Variants in OR4D1 observed in about 807,000 individuals in gnomAD.
OR4D1 encodes the protein olfactory receptor family 4 subfamily D member 1.
A neutral mutation model predicts 14.2 loss-of-function variants in OR4D1; 10 were observed. The ratio of observed to expected loss-of-function variants is 0.71; its 90% CI spans 0.44 to 1.20. The LOEUF is 1.20. Ranked by LOEUF, OR4D1 falls within the 50% of genes most tolerant of loss-of-function variation. The pLI is 0.00. For synonymous variants in OR4D1, 141 were observed against 147.4 expected (o/e 0.96, Z 0.32); for missense variants, 345 against 376.6 (o/e 0.92, Z 0.70).
At position 58,156,978 on chromosome 17, in the gene OR4D1, A is replaced by T; in HGVS notation, c.*892A>T. The T allele has an allele frequency of 2.8e-6, 2 of 724,948 alleles. No homozygotes were observed. Among genetic ancestry groups the T allele is most frequent in the Non-Finnish European group, 2.4e-6 (1 of 415,332 alleles). The allele number at this position is 724,948 out of a possible 1,614,324, so 44.9% of individuals were successfully genotyped here. On this transcript the variant is annotated 3_prime_UTR_variant, in exon 4 of 4. Transcript: ENST00000268912. ...GTTTGAGTCGCCGCTGCGGGTTGCT[A>T]GCGGAGTCGCGCGTCGGGAGCTACG...
rs186834238 is a variant in OR4D1, at chr17:58,155,681, C to G, written c.528C>G (p.Asn176Lys). Reference sequence around the variant, plus strand: ...TCTGTGGCCCCAATATCCTAGATAACTTCTACTGTGATGTTCCCCAAGTAC... The same window carrying G: ...TCTGTGGCCCCAATATCCTAGATAAGTTCTACTGTGATGTTCCCCAAGTAC... ...LPFCGPNILD[N>K]FYCDVPQVLR... Residue 176 changes from asparagine to lysine, a missense_variant, in exon 4 of 4, where the codon AAC becomes AAG. Transcript: ENST00000268912. The G allele has an allele frequency of 1.9e-6, 3 of 1,614,034 alleles. No homozygotes were observed. In the South Asian group the frequency reaches 3.3e-5, roughly 18 times the overall value.
rs1967660785 is a variant in OR4D1, at chr17:58,148,474, AGAGTGACCT to A, written c.-603_-595del. 6.6e-6 allele frequency: 1 copy of A among 152,438 alleles called. No individual in the cohort carries two copies. Among genetic ancestry groups the A allele is most frequent in the South Asian group, 2.1e-4 (1 of 4,832 alleles). 9.4% of individuals were successfully genotyped at this position (152,438 alleles called of 1,614,324 possible). On this transcript the variant is annotated 5_prime_UTR_variant, in exon 1 of 4. It removes the in-frame stop codon of an upstream open reading frame in the 5' UTR. Coordinates refer to ENST00000268912, the MANE Select transcript of OR4D1 (RefSeq NM_001386095.1). ...AGGAGAAGAATGGAGCTACAGGAGA[AGAGTGACCT>A]GGGAGATGGGAGGCTCTAAGTCCTC... is the stretch of plus-strand genomic sequence containing the variant.
Position 58,157,302 on chromosome 17 carries a change from G to T in OR4D1, c.*1216G>T, listed in dbSNP as rs1297959820. On this transcript the variant is annotated 3_prime_UTR_variant, in exon 4 of 4. Coordinates refer to ENST00000268912, the MANE Select transcript of OR4D1 (RefSeq NM_001386095.1). ...GCCGCTGATCAAGCCCTTCGAGACC[G>T]CCTCGGTCAAGTGGGAAAACTCCCT... The T allele has an allele frequency of 1.6e-5, 24 of 1,506,640 alleles. No homozygotes were observed. The highest frequency in any genetic ancestry group is 2.1e-5 in the Non-Finnish European group (24 of 1,124,482). The allele number at this position is 1,506,640 out of a possible 1,614,324, so 93.3% of individuals were successfully genotyped here.
Position 58,157,703 on chromosome 17 carries a change from A to G in OR4D1, c.*1617A>G. 6.2e-6 allele frequency: 10 copies of G among 1,613,914 alleles called. No individual in the cohort carries two copies. The highest frequency in any genetic ancestry group is 7.6e-6 in the Non-Finnish European group (9 of 1,179,816). The stretch of plus-strand genomic sequence containing the variant: ...CAGCTCGCCCCTGCAGGCAGCGTCC[A>G]TATACGCAGCATCCTACCCGTTCCA... On this transcript the variant is annotated 3_prime_UTR_variant, in exon 4 of 4. Transcript: ENST00000268912.
rs909873593 is a variant in OR4D1 at position 58,157,364 on chromosome 17, A to T, written c.*1278A>T. The T allele has an allele frequency of 1.4e-6, 2 of 1,389,482 alleles. No homozygotes were observed. Among genetic ancestry groups the T allele is most frequent in the African/African-American group, 1.4e-5 (1 of 69,324 alleles). 86.1% of individuals were successfully genotyped at this position (1,389,482 alleles called of 1,614,324 possible). On this transcript the variant is annotated 3_prime_UTR_variant, in exon 4 of 4. Transcript: ENST00000268912. Reference sequence around the variant, plus strand: ...GCGTGGATGCAGGAACCCTGCTGATAATTCGCCGCCGCCAAGACACGTGAG... The same window carrying T: ...GCGTGGATGCAGGAACCCTGCTGATTATTCGCCGCCGCCAAGACACGTGAG...
At position 58,157,359 on chromosome 17, in the gene OR4D1, C is replaced by A. The variant is rs1001859648; in HGVS notation, c.*1273C>A. 6.4e-5 allele frequency: 91 copies of A among 1,411,124 alleles called. No individual in the cohort carries two copies. The highest frequency in any genetic ancestry group is 8.7e-6 in the Non-Finnish European group (9 of 1,030,676). The allele number at this position is 1,411,124 out of a possible 1,614,324, so 87.4% of individuals were successfully genotyped here. On this transcript the variant is annotated 3_prime_UTR_variant, in exon 4 of 4. Transcript: ENST00000268912. ...GAGCGGCGTGGATGCAGGAACCCTG[C>A]TGATAATTCGCCGCCGCCAAGACAC... is the stretch of plus-strand genomic sequence containing the variant.
chr17:58,155,145 G>A lies in OR4D1; in HGVS notation c.-9G>A, dbSNP rs1343648271. On this transcript the variant is annotated 5_prime_UTR_variant, in exon 4 of 4. Transcript: ENST00000268912. ...ATGGTTTCTCTGTAGGAACGTGGGG[G>A]AAGATCCTATGGAACCACAGAACAC... 6.3e-7 allele frequency: 1 copy of A among 1,592,088 alleles called. No homozygotes were observed. The highest frequency in any genetic ancestry group is 1.7e-5 in the Admixed American group (1 of 57,670).
intron 3 of OR4D1, among the ~76,000 whole-genome samples, chr17:58,154,270 T>C (rs1967738405): frequency 6.6e-6 from 1 of 151,154 alleles, no homozygotes; most frequent in African/African-American, 2.4e-5. Flanking sequence ...AACCCTCTTT[T>C]TTTTTTTTTT....
chr17:58,153,501 C>G (rs1171722449), intron 2 of OR4D1, among the ~76,000 whole-genome samples: 1 of 152,176 alleles, frequency 6.6e-6, no homozygotes, highest in South Asian at 2.1e-4. Context: ...TGAAATCCCT[C>G]ATAAGTTTTG....
At position 58,157,743 on chromosome 17, in the gene OR4D1, C is replaced by A. The variant is rs3863503; in HGVS notation, c.*1657C>A. On this transcript the variant is annotated 3_prime_UTR_variant, in exon 4 of 4. Coordinates refer to ENST00000268912, the MANE Select transcript of OR4D1 (RefSeq NM_001386095.1). ...TACCCGTTCCATAGACCTGTGCTTC[C>A]CATCCCGCCCGTGGGACTCTATGCC... The A allele has an allele frequency of 0.39, 636,609 of 1,612,476 alleles. 132,114 individuals are homozygous for A. Among genetic ancestry groups the A allele is most frequent in the East Asian group, 0.74 (33,412 of 44,858 alleles).
rs1967677822 is a variant in OR4D1 at position 58,149,685 on chromosome 17, C to G, written c.-238C>G. ...GAAGGGTAGAATTCAGACAGGTGAA[C>G]AGGACAGAAAAGCAATTCAGATGCG... On this transcript the variant is annotated 5_prime_UTR_variant, in exon 2 of 4. Transcript: ENST00000268912. 6.6e-6 allele frequency: 1 copy of G among 152,188 alleles called. No individual in the cohort carries two copies. The highest frequency in any genetic ancestry group is 2.4e-5 in the African/African-American group (1 of 41,430). 9.4% of individuals were successfully genotyped at this position (152,188 alleles called of 1,614,324 possible).
At position 58,156,987 on chromosome 17, in the gene OR4D1, G is replaced by A; in HGVS notation, c.*901G>A. 1.3e-6 allele frequency: 1 copy of A among 757,190 alleles called. No individual in the cohort carries two copies. Among genetic ancestry groups the A allele is most frequent in the Non-Finnish European group, 2.3e-6 (1 of 443,926 alleles). The allele number at this position is 757,190 out of a possible 1,614,324, so 46.9% of individuals were successfully genotyped here. A position where few individuals can be genotyped will look rare whatever the true frequency, so the allele number is the denominator to read the frequency against. On this transcript the variant is annotated 3_prime_UTR_variant, in exon 4 of 4. Transcript: ENST00000268912. ...GCCGCTGCGGGTTGCTAGCGGAGTC[G>A]CGCGTCGGGAGCTACGTAGGGCAGG...
rs1216365948 is a variant in OR4D1 at position 58,155,187 on chromosome 17, T to A, written c.34T>A (p.Phe12Ile). Residue 12 changes from phenylalanine to isoleucine, a missense_variant, in exon 4 of 4, where the codon TTT becomes ATT. Phe to Ile is a conservative substitution (Grantham distance 21). Coordinates refer to ENST00000268912, the MANE Select transcript of OR4D1 (RefSeq NM_001386095.1). ...EPQNTTQVSM[F>I]VLLGFSQTQE... ...ACAGAACACCACACAGGTATCAATG[T>A]TTGTCCTCTTAGGGTTTTCACAGAC... 1.2e-6 allele frequency: 2 copies of A among 1,614,142 alleles called. No individual in the cohort carries two copies. Among genetic ancestry groups the A allele is most frequent in the Non-Finnish European group, 1.7e-6 (2 of 1,179,990 alleles).
At position 58,155,280 on chromosome 17, in the gene OR4D1, C is replaced by T; in HGVS notation, c.127C>T (p.Leu43Phe). 1.2e-6 allele frequency: 2 copies of T among 1,614,096 alleles called. No individual in the cohort carries two copies. The highest frequency in any genetic ancestry group is 1.7e-6 in the Non-Finnish European group (2 of 1,180,008). Residue 43 changes from leucine (L) to phenylalanine (F), a missense_variant, in exon 4 of 4, where the codon CTC becomes TTC. By Grantham distance (22) the Leu-to-Phe change is conservative. Coordinates refer to ENST00000268912, the MANE Select transcript of OR4D1 (RefSeq NM_001386095.1). ...LVYVTTIVGN[L>F]LIMVTVTFDC... ...CTATGTTACCACCATTGTGGGAAAC[C>T]TCCTTATCATGGTCACAGTGACTTT...
chr17:58,150,222 CCTAA>C (rs3030794), intron 2 of OR4D1, among the ~76,000 whole-genome samples: 88,482 of 151,408 alleles, frequency 0.58, 27,463 homozygotes, highest in East Asian at 0.87. Flanking sequence ...CCCCTGAAAT[CCTAA>C]CTAAGTACAA....
At position 58,157,494 on chromosome 17, in the gene OR4D1, A is replaced by G. The variant is rs1205649701; in HGVS notation, c.*1408A>G. On this transcript the variant is annotated 3_prime_UTR_variant, in exon 4 of 4. Coordinates refer to ENST00000268912, the MANE Select transcript of OR4D1 (RefSeq NM_001386095.1). Reference sequence around the variant, plus strand: ...CTGGAGGGCAAGTTGCTCCAGAAACAGTACCTCTCCATTGCAGAGGGTGCG... The same window carrying G: ...CTGGAGGGCAAGTTGCTCCAGAAACGGTACCTCTCCATTGCAGAGGGTGCG... The G allele has an allele frequency of 2.6e-6, 3 of 1,162,792 alleles. No homozygotes were observed. Among genetic ancestry groups the G allele is most frequent in the East Asian group, 4.7e-5 (2 of 42,672 alleles). 72.0% of individuals were successfully genotyped at this position (1,162,792 alleles called of 1,614,324 possible).
At chr17:58,153,082 C>T (rs151004456) in intron 2 of OR4D1, among the ~76,000 whole-genome samples, 7 of 152,232 alleles carry the variant, frequency 4.6e-5, no homozygotes, top group Non-Finnish European at 1.0e-4. Flanking sequence ...AGGGGCTTTC[C>T]CAGAGAGGCC....
intron 2 of OR4D1, among the ~76,000 whole-genome samples, chr17:58,151,010 A>T (rs1017311061): frequency 1.1e-4 from 17 of 152,148 alleles, no homozygotes; most frequent in Non-Finnish European, 1.9e-4. Flanking sequence ...AATAAAAAAA[A>T]TTTTGTAAAG....
Position 58,157,002 on chromosome 17 carries a change from C to A in OR4D1, c.*916C>A. On this transcript the variant is annotated 3_prime_UTR_variant, in exon 4 of 4. Coordinates refer to ENST00000268912, the MANE Select transcript of OR4D1 (RefSeq NM_001386095.1). ...TAGCGGAGTCGCGCGTCGGGAGCTA[C>A]GTAGGGCAGGGAAGGCATGGCTTCT... 2.4e-6 allele frequency: 2 copies of A among 839,280 alleles called. No individual in the cohort carries two copies. The highest frequency in any genetic ancestry group is 3.9e-6 in the Non-Finnish European group (2 of 516,738). The allele number at this position is 839,280 out of a possible 1,614,324, so 52.0% of individuals were successfully genotyped here.
Sources: gnomAD v4.1 joint callset for allele counts (sites outside exome capture counted in the v4.1 genomes callset) on GRCh38, gnomAD v4.1.1 for gene constraint, MANE v1.5 for transcripts, NCBI Gene and HGNC (gene_info 2026-07-23, HGNC 2026-07-21) for gene names.